The following OSBP2 variants were observed in gnomAD, a reference collection of about 807,000 sequenced individuals.
OSBP2 encodes oxysterol binding protein 2.
OSBP2 carries 66 observed loss-of-function variants against 96.0 expected under a neutral mutation model. The observed-to-expected ratio is 0.69, with a 90% CI of 0.56 to 0.84. OSBP2 has a LOEUF of 0.84. Among genes scored for constraint, OSBP2 ranks in the 40% least tolerant of loss-of-function variants. The pLI is 0.00. For synonymous variants in OSBP2, 525 were observed against 520.9 expected, an observed-to-expected ratio of 1.01 and a Z score of -0.11; for missense variants, 1,038 against 1,222.7, an observed-to-expected ratio of 0.85 and a Z score of 2.25.
At chr22:30,739,102 G>A (rs1483013544) in intron 1 of OSBP2, among the ~76,000 whole-genome samples, 1 of 152,202 alleles carries the variant, frequency 6.6e-6, no homozygotes, top group Non-Finnish European at 1.5e-5. Flanking sequence ...TCAAGTGTCT[G>A]AGGAGTGAGT....
chr22:30,717,088 T>TG (rs2145696744), intron 1 of OSBP2, among the ~76,000 whole-genome samples: 1 of 100,728 alleles, frequency 9.9e-6, no homozygotes, highest in Admixed American at 1.0e-4. Context: ...ATTTTACTGT[T>TG]TTTGTGTGTG....
At chr22:30,875,872 C>T (rs992448366) in intron 3 of OSBP2, among the ~76,000 whole-genome samples, 3 of 152,240 alleles carry the variant, frequency 2.0e-5, no homozygotes, top group Admixed American at 6.5e-5. Flanking sequence ...CCTGCCCAGG[C>T]CTGTGCCAGG....
At chr22:30,723,931 G>A (rs1435675835) in intron 1 of OSBP2, among the ~76,000 whole-genome samples, 1 of 152,092 alleles carries the variant, frequency 6.6e-6, no homozygotes, top group African/African-American at 2.4e-5. Context: ...CACTCTTGGT[G>A]CGGTACCTTC....
chr22:30,893,087 T>C (rs767209451), intron 8 of OSBP2, 35 bp from the exon 9 acceptor site: 3 of 1,609,516 alleles, frequency 1.9e-6, no homozygotes, highest in Non-Finnish European at 2.5e-6. Context: ...GGCTCATGTC[T>C]GGCAGATGCT....
At chr22:30,895,741 C>A (rs1397174566) in intron 12 of OSBP2, among the ~76,000 whole-genome samples, 3 of 151,966 alleles carry the variant, frequency 2.0e-5, no homozygotes, top group African/African-American at 7.3e-5. Context: ...GAGTTCAAGA[C>A]TACCCTGGCC....
At chr22:30,773,164 ATGATCTTGGC>A (rs2090377294) in intron 2 of OSBP2, 1 of 139,548 alleles carries the variant, frequency 7.2e-6, no homozygotes, top group Non-Finnish European at 1.5e-5. Context: ...GTACAATGTC[ATGATCTTGGC>A]TCACTGCAAC....
At chr22:30,804,223 G>A (rs942933649) in intron 2 of OSBP2, among the ~76,000 whole-genome samples, 1 of 152,166 alleles carries the variant, frequency 6.6e-6, no homozygotes, top group Non-Finnish European at 1.5e-5. Flanking sequence ...AGGGGAGGTG[G>A]AATTAGTGGG....
chr22:30,794,913 A>G (rs111476783), intron 2 of OSBP2, among the ~76,000 whole-genome samples: 1 of 138,654 alleles, frequency 7.2e-6, no homozygotes, highest in African/African-American at 3.0e-5. Flanking sequence ...TTATATAACT[A>G]CTTTTTTTTT....
chr22:30,696,708 C>CAG (rs1459608907), intron 1 of OSBP2, among the ~76,000 whole-genome samples: 3 of 152,106 alleles, frequency 2.0e-5, no homozygotes, highest in African/African-American at 7.2e-5. Flanking sequence ...GGCTGGAGTG[C>CAG]AGTGGTGCAA....
In OSBP2 at chr22:30,889,470, G is replaced by T. The variant is rs1304782648; in HGVS notation, c.1477-20G>T. 6.2e-7 allele frequency: 1 copy of T among 1,613,910 alleles called. No homozygotes were observed. The highest frequency in any genetic ancestry group is 1.1e-5 in the South Asian group (1 of 91,074). On this transcript the variant is annotated intron_variant, in intron 6 of 13. Transcript: ENST00000332585. ...CTCTGGCCTCTGCTGACGGTGAGGG[G>T]GTCCCCACTTATGTGGCAGGTACTA... is the stretch of plus-strand genomic sequence containing the variant.
chr22:30,771,075 A>C (rs1481312394), intron 2 of OSBP2, among the ~76,000 whole-genome samples: 3 of 152,202 alleles, frequency 2.0e-5, no homozygotes, highest in African/African-American at 4.8e-5. Flanking sequence ...GGAAGCCTTA[A>C]ATCCTGTCCC....
chr22:30,817,017 G>A (rs2091091576), intron 2 of OSBP2, among the ~76,000 whole-genome samples: 1 of 152,184 alleles, frequency 6.6e-6, no homozygotes. Flanking sequence ...TTACAGGCAT[G>A]AGCCACTGTA....
At chr22:30,850,868 G>A (rs1602356449) in intron 2 of OSBP2, among the ~76,000 whole-genome samples, 1 of 151,584 alleles carries the variant, frequency 6.6e-6, no homozygotes, top group African/African-American at 2.4e-5. Flanking sequence ...TACTGAATGG[G>A]ATTGCATTGA....
rs5844927 is a variant in OSBP2 at position 30,862,962 on chromosome 22, CAA to C, written c.854-7454_854-7453del. ...CACTCCAGCCCGGGTGACTCTGTCTCAAAAAAAAAAAAAAGAAAAAAAGAAAA... is the reference window on the plus strand; with the variant it reads ...CACTCCAGCCCGGGTGACTCTGTCTCAAAAAAAAAAAAGAAAAAAAGAAAA... On this transcript the variant is annotated intron_variant, in intron 2 of 13. Transcript: ENST00000332585. 1.1e-3 allele frequency among the ~76,000 whole-genome samples: 150 copies of C among 139,766 alleles called. 1 individual carries two copies. The highest frequency in any genetic ancestry group is 2.1e-3 in the South Asian group (9 of 4,348). The allele number at this position is 139,766 out of a possible 152,430, so 91.7% of individuals were successfully genotyped here. A position where few individuals can be genotyped will look rare whatever the true frequency, so the allele number is the denominator to read the frequency against.
At chr22:30,834,961 A>G (rs1015355580) in intron 2 of OSBP2, among the ~76,000 whole-genome samples, 22 of 151,904 alleles carry the variant, frequency 1.4e-4, no homozygotes, top group Admixed American at 4.6e-4. Flanking sequence ...GAATACAGGC[A>G]TGCACCACCA....
Position 30,889,515 on chromosome 22 carries a change from CCAAGGG to C in OSBP2, c.1503_1508del (p.Lys502_Gly503del). 1 of 1,614,098 alleles carries C rather than the reference CCAAGGG, an allele frequency of 6.2e-7. No individual in the cohort carries two copies. Among genetic ancestry groups the C allele is most frequent in the Non-Finnish European group, 8.5e-7 (1 of 1,180,008 alleles). On this transcript the variant is annotated inframe_deletion, in exon 7 of 14. Transcript: ENST00000332585. Reference sequence around the variant, plus strand: ...GTACTAGATGGTGCCTCGCTCGTGCCCAAGGGTTCATCCAAAGTCAAGAGGCGAGTC... The same window carrying C: ...GTACTAGATGGTGCCTCGCTCGTGCCTTCATCCAAAGTCAAGAGGCGAGTC...
At chr22:30,832,616 G>T (rs1018646169) in intron 2 of OSBP2, among the ~76,000 whole-genome samples, 1 of 152,144 alleles carries the variant, frequency 6.6e-6, no homozygotes, top group African/African-American at 2.4e-5. Flanking sequence ...GCAGATAGCC[G>T]CTCACAGTTG....
At chr22:30,815,323 A>G (rs2091069804) in intron 2 of OSBP2, among the ~76,000 whole-genome samples, 1 of 152,086 alleles carries the variant, frequency 6.6e-6, no homozygotes, top group Admixed American at 6.6e-5. Flanking sequence ...GGGCTCCACT[A>G]CCCTGACTTC....
intron 2 of OSBP2, among the ~76,000 whole-genome samples, chr22:30,754,617 G>T (rs983148773): frequency 6.6e-6 from 1 of 152,166 alleles, no homozygotes; most frequent in Admixed American, 6.5e-5. Flanking sequence ...GTAGCAAGCT[G>T]CCTTACCTTC....
Sources: allele counts gnomAD v4.1 joint callset (sites outside exome capture counted in the v4.1 genomes callset), GRCh38; gene constraint gnomAD v4.1.1; transcripts MANE v1.5; gene names NCBI Gene and HGNC (gene_info 2026-07-23, HGNC 2026-07-21).